PCDHA4: variants seen among roughly 807,000 people sequenced by gnomAD.
PCDHA4 encodes protocadherin alpha-4.
Under a neutral mutation model 61.4 loss-of-function variants are expected in PCDHA4, and 49 were observed. The ratio of observed to expected loss-of-function variants is 0.80; its 90% CI spans 0.63 to 1.01. The LOEUF is 1.01. PCDHA4 is among the 50% of genes least tolerant of loss of function. PCDHA4 has a pLI of 0.00. For missense variants in PCDHA4, 1,254 were observed against 1,235.8 expected (o/e 1.01, Z -0.22); for synonymous variants, 590 against 550.3 (o/e 1.07, Z -1.01).
chr5:140,963,288 G>A (rs908553196), intron 1 of PCDHA4, among the ~76,000 whole-genome samples: 2 of 152,126 alleles, frequency 1.3e-5, no homozygotes, highest in Non-Finnish European at 2.9e-5. Flanking sequence ...ATTTTATAAG[G>A]AGGAGAGAAA....
chr5:140,863,748 C>G (rs1221413981), intron 1 of PCDHA4: 1 of 241,166 alleles, frequency 4.1e-6, no homozygotes, highest in Non-Finnish European at 8.2e-6. Flanking sequence ...TTTGTAATCC[C>G]GGCACTTTGG....
intron 1 of PCDHA4, among the ~76,000 whole-genome samples, chr5:140,920,419 T>C (rs1282192714): frequency 6.6e-6 from 1 of 152,232 alleles, no homozygotes. Flanking sequence ...GATACAGCTG[T>C]TCTCCCACAC....
At chr5:140,834,327 T>A (rs1181484753) in intron 1 of PCDHA4, 1 of 1,451,888 alleles carries the variant, frequency 6.9e-7, no homozygotes, top group Non-Finnish European at 9.4e-7. Flanking sequence ...GATAAAAACA[T>A]TCCTATAAAT....
chr5:140,877,917 T>G (rs2057395668), intron 1 of PCDHA4: 2 of 1,427,712 alleles, frequency 1.4e-6, no homozygotes, highest in Admixed American at 2.9e-5. Context: ...TTCTCTCATT[T>G]TTCTTTATGA....
intron 1 of PCDHA4, chr5:140,834,485 G>A (rs2150219471): frequency 1.2e-6 from 2 of 1,614,120 alleles, no homozygotes. Context: ...TCCACTACTC[G>A]GTCCCCGAGG....
intron 1 of PCDHA4, chr5:140,882,120 CT>C (rs2058961361): frequency 6.9e-7 from 1 of 1,449,002 alleles, no homozygotes; most frequent in East Asian, 2.3e-5. Flanking sequence ...GCCGCCGTTT[CT>C]TTCTTCCTGC....
intron 1 of PCDHA4, chr5:140,966,584 G>C (rs1227691524): frequency 7.4e-6 from 4 of 541,586 alleles, no homozygotes; most frequent in African/African-American, 6.0e-5. Context: ...CAGCGAGGAC[G>C]GTGGGGCCAG....
At chr5:140,929,404 G>T (rs530409256) in intron 1 of PCDHA4, 1 of 1,506,596 alleles carries the variant, frequency 6.6e-7, no homozygotes, top group South Asian at 1.4e-5. Flanking sequence ...TCTTAGACAA[G>T]CCTTTCACAA....
At chr5:140,870,193 C>T in intron 1 of PCDHA4, 2 of 1,614,156 alleles carry the variant, frequency 1.2e-6, no homozygotes, top group Non-Finnish European at 8.5e-7. Flanking sequence ...GGACGCTCAG[C>T]CCAGCACGGT....
At chr5:140,981,537 G>A (rs375537131) in intron 2 of PCDHA4, among the ~76,000 whole-genome samples, 2 of 152,172 alleles carry the variant, frequency 1.3e-5, no homozygotes, top group East Asian at 1.9e-4. Flanking sequence ...TCGTGCCACT[G>A]TACTCCAGCC....
rs2067929537 is a variant in PCDHA4 at position 140,900,315 on chromosome 5, T to C, written c.2386-78634T>C. Among the ~76,000 whole-genome samples the C allele has an allele frequency of 2.0e-5, 3 of 152,186 alleles. No homozygotes were observed. The East Asian group carries it at 5.8e-4, about 29-fold the overall frequency. On this transcript the variant is annotated intron_variant, in intron 1 of 3. Transcript: ENST00000530339. ...GTTTTTTTAGACAGTCTCACTTTTG[T>C]CGCCCAGGCTGGAGTACCGTGGCGC...
chr5:140,870,956 G>T (rs1554164932), intron 1 of PCDHA4: 2 of 1,613,520 alleles, frequency 1.2e-6, no homozygotes, highest in East Asian at 2.2e-5. Flanking sequence ...GGCGGCTCGC[G>T]CATCCCGTTC....
rs781876036 is a variant in PCDHA4 at position 140,857,534 on chromosome 5, C to T, written c.2385+47962C>T. The T allele has an allele frequency of 1.3e-5, 20 of 1,597,344 alleles. 2 individuals are homozygous for T. The highest frequency in any genetic ancestry group is 1.5e-5 in the Non-Finnish European group (18 of 1,167,750). On this transcript the variant is annotated intron_variant, in intron 1 of 3. Transcript: ENST00000530339. ...CCTGGTGTCCTACTCTCTGGTGGAG[C>T]GGCGGTTGGGCGAGCGCTCGCTGTC...
intron 1 of PCDHA4, among the ~76,000 whole-genome samples, chr5:140,941,198 TC>T (rs2092794663): frequency 1.7e-5 from 2 of 119,812 alleles, no homozygotes; most frequent in African/African-American, 6.9e-5. Context: ...TTTTTTTCTT[TC>T]TTCCTTTCTT....
At chr5:140,947,234 AAAAAT>A (rs1164220377) in intron 1 of PCDHA4, among the ~76,000 whole-genome samples, 3 of 151,602 alleles carry the variant, frequency 2.0e-5, no homozygotes, top group Non-Finnish European at 3.0e-5. Flanking sequence ...GACAGGAAAA[AAAAAT>A]AAGATAATCC....
chr5:140,973,513 A>G (rs2096591492), intron 1 of PCDHA4, among the ~76,000 whole-genome samples: 1 of 151,864 alleles, frequency 6.6e-6, no homozygotes, highest in Non-Finnish European at 1.5e-5. Context: ...GAAAAAGTTT[A>G]TTTTCTTTGG....
chr5:140,940,988 T>G (rs2092713422), intron 1 of PCDHA4, among the ~76,000 whole-genome samples: 1 of 152,206 alleles, frequency 6.6e-6, no homozygotes, highest in African/African-American at 2.4e-5. Flanking sequence ...AGTTACAAGT[T>G]TATAGGATTA....
chr5:140,871,309 C>G (rs1554165416), intron 1 of PCDHA4: 1 of 1,614,028 alleles, frequency 6.2e-7, no homozygotes. Flanking sequence ...GCCGGGGAAG[C>G]CCACGCTGGT....
intron 1 of PCDHA4, among the ~76,000 whole-genome samples, chr5:140,897,495 A>G (rs1208374175): frequency 1.2e-4 from 19 of 152,006 alleles, no homozygotes; most frequent in Admixed American, 9.8e-4. Flanking sequence ...AATTTCAACC[A>G]TGTCCCTACA....
Sources: gnomAD v4.1 joint callset for allele counts (sites outside exome capture counted in the v4.1 genomes callset) on GRCh38, gnomAD v4.1.1 for gene constraint, MANE v1.5 for transcripts, NCBI Gene and HGNC (gene_info 2026-07-23, HGNC 2026-07-21) for gene names.